SERPINI1: variants seen among roughly 807,000 people sequenced by gnomAD.
The protein encoded by SERPINI1 is serpin family I member 1.
In SERPINI1, 19 loss-of-function variants were observed where a neutral mutation model predicts 41.1. The ratio of observed to expected loss-of-function variants is 0.46; its 90% CI spans 0.32 to 0.68. SERPINI1 has a LOEUF of 0.68. Among genes scored for constraint, SERPINI1 ranks in the 30% least tolerant of loss-of-function variants. The pLI is 0.03. For synonymous variants in SERPINI1, 138 were observed against 156.6 expected (o/e 0.88, Z 0.89); for missense variants, 460 against 479.2 (o/e 0.96, Z 0.37).
At chr3:167,762,175 CT>C (rs1726404853) in intron 1 of SERPINI1, among the ~76,000 whole-genome samples, 1 of 152,052 alleles carries the variant, frequency 6.6e-6, no homozygotes. Flanking sequence ...TGTACTTTAC[CT>C]TTTCTCCTGT....
At chr3:167,787,199 G>C (rs1727344350) in intron 1 of SERPINI1, among the ~76,000 whole-genome samples, 1 of 152,038 alleles carries the variant, frequency 6.6e-6, no homozygotes, top group Non-Finnish European at 1.5e-5. Context: ...AACACCCATG[G>C]AGCTGTCATC....
chr3:167,777,252 A>G (rs1726992417), intron 1 of SERPINI1, among the ~76,000 whole-genome samples: 1 of 152,230 alleles, frequency 6.6e-6, no homozygotes, highest in Non-Finnish European at 1.5e-5. Flanking sequence ...CCCCCACTGC[A>G]GTAGTCCTTC....
chr3:167,800,697 C>T, intron 5 of SERPINI1, among the ~76,000 whole-genome samples: 1 of 152,186 alleles, frequency 6.6e-6, no homozygotes, highest in Non-Finnish European at 1.5e-5. Context: ...TAACCAGAAA[C>T]TATCCTGATA....
chr3:167,810,708 C>A (rs567630545), intron 6 of SERPINI1, among the ~76,000 whole-genome samples: 1 of 152,246 alleles, frequency 6.6e-6, no homozygotes, highest in South Asian at 2.1e-4. Context: ...TAAAATAAGA[C>A]AACAATGAAG....
chr3:167,817,541 A>C (rs1712142863), intron 6 of SERPINI1, among the ~76,000 whole-genome samples: 1 of 151,874 alleles, frequency 6.6e-6, no homozygotes, highest in Admixed American at 6.6e-5. Flanking sequence ...TGGTTACTGG[A>C]TTATTCAAAT....
intron 1 of SERPINI1, among the ~76,000 whole-genome samples, chr3:167,784,256 G>T (rs1395689124): frequency 2.0e-5 from 3 of 152,120 alleles, no homozygotes; most frequent in Non-Finnish European, 4.4e-5. Context: ...TTCCTGCAGG[G>T]ATGATTTATT....
chr3:167,767,050 G>A (rs185395286), intron 1 of SERPINI1, among the ~76,000 whole-genome samples: 25 of 152,344 alleles, frequency 1.6e-4, no homozygotes, highest in Admixed American at 1.1e-3. Flanking sequence ...CTGTAAGACA[G>A]TGCCATCTAG....
chr3:167,768,178 A>G (rs1577407176), intron 1 of SERPINI1, among the ~76,000 whole-genome samples: 1 of 152,306 alleles, frequency 6.6e-6, no homozygotes, highest in Non-Finnish European at 1.5e-5. Flanking sequence ...ACCTTCAGCA[A>G]CCGCCAGCCT....
intron 1 of SERPINI1, among the ~76,000 whole-genome samples, chr3:167,743,339 G>A (rs1392727484): frequency 6.6e-6 from 1 of 152,152 alleles, no homozygotes; most frequent in Non-Finnish European, 1.5e-5. Context: ...TTCATACAGT[G>A]ACACTTTGAT....
chr3:167,768,232 A>G (rs1492026), intron 1 of SERPINI1, among the ~76,000 whole-genome samples: 45,907 of 152,094 alleles, frequency 0.3, 7,164 homozygotes, highest in African/African-American at 0.33. Context: ...CCCTCCACCA[A>G]TGAAAAGCTT....
intron 1 of SERPINI1, among the ~76,000 whole-genome samples, chr3:167,739,772 G>C (rs1321352322): frequency 6.6e-6 from 1 of 152,044 alleles, no homozygotes; most frequent in Non-Finnish European, 1.5e-5. Flanking sequence ...AGCATGTGTG[G>C]AGTTGGTCAT....
chr3:167,747,380 C>T (rs547400063), intron 1 of SERPINI1, among the ~76,000 whole-genome samples: 4 of 152,174 alleles, frequency 2.6e-5, no homozygotes, highest in Admixed American at 6.5e-5. Flanking sequence ...CACGGTGGCT[C>T]AAGCCTGTAA....
At chr3:167,793,831 C>CGTGTGTGTGT (rs753115772) in intron 4 of SERPINI1, among the ~76,000 whole-genome samples, 2,144 of 110,454 alleles carry the variant, frequency 0.019, 42 homozygotes, top group Admixed American at 0.054. Flanking sequence ...TCATTTTGGC[C>CGTGTGTGTGT]ATATGTATGT....
At chr3:167,787,135 A>G (rs904961082) in intron 1 of SERPINI1, among the ~76,000 whole-genome samples, 9 of 152,230 alleles carry the variant, frequency 5.9e-5, no homozygotes, top group Non-Finnish European at 1.0e-4. Context: ...GTTAATCAAC[A>G]TCACTGTCTT....
intron 6 of SERPINI1, among the ~76,000 whole-genome samples, chr3:167,816,798 G>A (rs1712106628): frequency 6.6e-6 from 1 of 152,122 alleles, no homozygotes; most frequent in African/African-American, 2.4e-5. Context: ...TAGATGCTGA[G>A]CTTCTAAACT....
At chr3:167,820,542 C>T (rs982402072) in intron 6 of SERPINI1, among the ~76,000 whole-genome samples, 4 of 152,210 alleles carry the variant, frequency 2.6e-5, no homozygotes, top group Non-Finnish European at 5.9e-5. Flanking sequence ...ATGAGCTGGC[C>T]GGGTGTGCAC....
chr3:167,789,125 C>T lies in SERPINI1; in HGVS notation c.-4C>T. The stretch of plus-strand genomic sequence containing the variant: ...TTGTTTTTTAGGCTTGAAACTGTTA[C>T]AATATGGCTTTCCTTGGACTCTTCT... On this transcript the variant is annotated 5_prime_UTR_variant, in exon 2 of 9. Coordinates refer to ENST00000446050, the MANE Select transcript of SERPINI1 (RefSeq NM_001122752.2). The T allele has an allele frequency of 6.2e-7, 1 of 1,613,764 alleles. No individual in the cohort carries two copies. Among genetic ancestry groups the T allele is most frequent in the Non-Finnish European group, 8.5e-7 (1 of 1,179,952 alleles).
At chr3:167,795,271 G>A (rs964961417) in intron 5 of SERPINI1, among the ~76,000 whole-genome samples, 1 of 152,158 alleles carries the variant, frequency 6.6e-6, no homozygotes, top group African/African-American at 2.4e-5. Context: ...GCAAGTCACT[G>A]TGCTAGGTGC....
intron 1 of SERPINI1, among the ~76,000 whole-genome samples, chr3:167,750,702 A>G (rs1726015244): frequency 6.6e-6 from 1 of 151,308 alleles, no homozygotes; most frequent in Non-Finnish European, 1.5e-5. Context: ...CTCATTTCAT[A>G]GATGAGGAAA....
Sources: allele counts gnomAD v4.1 joint callset (sites outside exome capture counted in the v4.1 genomes callset), GRCh38; gene constraint gnomAD v4.1.1; transcripts MANE v1.5; gene names NCBI Gene and HGNC (gene_info 2026-07-23, HGNC 2026-07-21).